Variants in EML4 observed in about 807,000 individuals in gnomAD.
EML4 encodes the protein echinoderm microtubule-associated protein-like 4.
EML4 carries 72 observed loss-of-function variants against 129.0 expected under a neutral mutation model. The observed-to-expected ratio is 0.56, with a 90% CI of 0.46 to 0.68. The LOEUF (loss-of-function observed/expected upper bound fraction) is 0.68. Ranked by LOEUF, EML4 falls within the 30% of genes least tolerant of loss-of-function variation. EML4 has a pLI of 0.00. For synonymous variants in EML4, 532 were observed against 405.0 expected, an observed-to-expected ratio of 1.31 and a Z score of -3.77; for missense variants, 1,363 against 1,190.6, an observed-to-expected ratio of 1.14 and a Z score of -2.13.
chr2:42,309,911 C>G (rs901933306), intron 17 of EML4, among the ~76,000 whole-genome samples: 1 of 152,144 alleles, frequency 6.6e-6, no homozygotes, highest in Non-Finnish European at 1.5e-5. Context: ...TCTCTTGTTT[C>G]TTAAGCATAA....
At position 42,331,877 on chromosome 2, in the gene EML4, C is replaced by T. The variant is rs1303861246; in HGVS notation, c.*1670C>T. 1 of 217,974 alleles carries T rather than the reference C, an allele frequency of 4.6e-6. No individual in the cohort carries two copies. The highest frequency in any genetic ancestry group is 2.2e-5 in the African/African-American group (1 of 44,464). 13.5% of individuals were successfully genotyped at this position (217,974 alleles called of 1,614,324 possible). On this transcript the variant is annotated 3_prime_UTR_variant, in exon 23 of 23. Transcript: ENST00000318522. The stretch of plus-strand genomic sequence containing the variant: ...AGATATGCACCACGTTGAAAATACT[C>T]AGTGTAGATCTCTATGTGTATAGGT...
intron 11 of EML4, chr2:42,288,583 G>A (rs968373799): frequency 4.8e-6 from 1 of 210,318 alleles, no homozygotes; most frequent in Non-Finnish European, 9.4e-6. Context: ...GTAGATGGAT[G>A]TGTGATCTCA....
rs972817829 is a variant in EML4 at position 42,261,061 on chromosome 2, G to A, written c.339-60G>A. 1.7e-5 allele frequency: 22 copies of A among 1,295,594 alleles called. No individual in the cohort carries two copies. The South Asian group carries it at 1.8e-4, about 11-fold the overall frequency. 80.3% of individuals were successfully genotyped at this position (1,295,594 alleles called of 1,614,324 possible). A position where few individuals can be genotyped will look rare whatever the true frequency, so the allele number is the denominator to read the frequency against. ...ATTATATAATAATCACTTTTCTATC[G>A]TTTGATTTTTTTTCATTTGTTTAAA... On this transcript the variant is annotated intron_variant, in intron 3 of 22. Coordinates refer to ENST00000318522, the MANE Select transcript of EML4 (RefSeq NM_019063.5).
intron 1 of EML4, among the ~76,000 whole-genome samples, chr2:42,212,394 G>C (rs910431148): frequency 6.6e-6 from 1 of 151,602 alleles, no homozygotes; most frequent in Admixed American, 6.6e-5. Flanking sequence ...TATTTTAATA[G>C]CCATTTAAAA....
At chr2:42,224,072 A>G (rs1031031698) in intron 1 of EML4, among the ~76,000 whole-genome samples, 2 of 152,146 alleles carry the variant, frequency 1.3e-5, no homozygotes, top group African/African-American at 4.8e-5. Flanking sequence ...GATATAATTC[A>G]CATGCCATAT....
At chr2:42,232,323 A>G (rs1238375886) in intron 1 of EML4, among the ~76,000 whole-genome samples, 1 of 152,228 alleles carries the variant, frequency 6.6e-6, no homozygotes, top group Non-Finnish European at 1.5e-5. Flanking sequence ...ATTAGAAAGC[A>G]CTTTGTTACA....
chr2:42,263,398 CTTTTTTTTTTTTTT>C, intron 5 of EML4, 92 bp downstream of exon 5: 2 of 234,584 alleles, frequency 8.5e-6, no homozygotes, highest in Non-Finnish European at 1.4e-5. Context: ...TGGTTTGAAT[CTTTTTTTTTTTTTT>C]TTTTTTTTTT....
At chr2:42,325,301 C>T (rs1669728096) in intron 19 of EML4, 166 bp from the exon 20 acceptor site, 1 of 635,014 alleles carries the variant, frequency 1.6e-6, no homozygotes, top group Non-Finnish European at 3.0e-6. Context: ...GTTTCAAGTG[C>T]TGAGGATTTG....
At position 42,332,388 on chromosome 2, in the gene EML4, G is replaced by A. The variant is rs1263531199; in HGVS notation, c.*2181G>A. The A allele has an allele frequency of 4.8e-6, 1 of 209,450 alleles. No individual in the cohort carries two copies. The highest frequency in any genetic ancestry group is 9.7e-6 in the Non-Finnish European group (1 of 102,720). 13.0% of individuals were successfully genotyped at this position (209,450 alleles called of 1,614,324 possible). On this transcript the variant is annotated 3_prime_UTR_variant, in exon 23 of 23. Transcript: ENST00000318522. The stretch of plus-strand genomic sequence containing the variant: ...TGTGATAATGGTTGGAAGTGGGTGG[G>A]GTTATGAAATTGTAGATGTTTTTAG...
rs540095876 is a variant in EML4, at chr2:42,174,024, T to C, written c.25+4388T>C. Among the ~76,000 whole-genome samples the C allele has an allele frequency of 1.6e-3, 245 of 152,316 alleles. 1 individual carries two copies. The highest frequency in any genetic ancestry group is 5.7e-3 in the African/African-American group (237 of 41,572). The stretch of plus-strand genomic sequence containing the variant: ...GATTTATCTCTGCAGAGCTTGGCTT[T>C]TTAAAACAATGAAATAATTTAGCAG... On this transcript the variant is annotated intron_variant, in intron 1 of 22. Coordinates refer to ENST00000318522, the MANE Select transcript of EML4 (RefSeq NM_019063.5).
chr2:42,185,779 C>G (rs1460634065), intron 1 of EML4, among the ~76,000 whole-genome samples: 12 of 152,088 alleles, frequency 7.9e-5, no homozygotes, highest in Admixed American at 7.9e-4. Flanking sequence ...TTTGCTCGTA[C>G]TGGGGAGAAT....
At chr2:42,199,234 G>A (rs1043134022) in intron 1 of EML4, among the ~76,000 whole-genome samples, 26 of 152,182 alleles carry the variant, frequency 1.7e-4, no homozygotes, top group Admixed American at 1.5e-3. Context: ...GTAATAAAGC[G>A]AGTGGTTATA....
intron 1 of EML4, among the ~76,000 whole-genome samples, chr2:42,224,726 T>C (rs537374197): frequency 5.9e-5 from 9 of 152,258 alleles, no homozygotes; most frequent in African/African-American, 2.2e-4. Context: ...ATTTTGATTA[T>C]AGCCATCCTG....
In EML4 at chr2:42,264,584, C is replaced by G. The variant is rs140669637; in HGVS notation, c.642-122C>G. 1.3e-4 allele frequency: 86 copies of G among 661,546 alleles called. No homozygotes were observed. In the African/African-American group the frequency reaches 1.5e-3, roughly 12 times the overall value. 41.0% of individuals were successfully genotyped at this position (661,546 alleles called of 1,614,324 possible). On this transcript the variant is annotated intron_variant, in intron 5 of 22. Coordinates refer to ENST00000318522, the MANE Select transcript of EML4 (RefSeq NM_019063.5). ...AAAAAATGCTGATTTCTTACTTTCA[C>G]TTCCAGAGATTTATCTAGATTATAG...
chr2:42,248,386 C>T (rs963588916), intron 2 of EML4, among the ~76,000 whole-genome samples: 1 of 151,778 alleles, frequency 6.6e-6, no homozygotes, highest in Non-Finnish European at 1.5e-5. Context: ...TGCTTTTTTC[C>T]CAGCATATAC....
At chr2:42,212,196 G>A (rs1333410954) in intron 1 of EML4, among the ~76,000 whole-genome samples, 4 of 152,112 alleles carry the variant, frequency 2.6e-5, no homozygotes, top group African/African-American at 9.7e-5. Flanking sequence ...TTTAAGCCTT[G>A]TGGTACTCAG....
intron 19 of EML4, among the ~76,000 whole-genome samples, chr2:42,320,169 T>C (rs773589756): frequency 1.3e-5 from 2 of 152,138 alleles, no homozygotes; most frequent in Non-Finnish European, 2.9e-5. Context: ...GACATCATTA[T>C]AGTCCAGGGC....
chr2:42,182,994 A>G lies in EML4; in HGVS notation c.25+13358A>G, dbSNP rs190463760. On this transcript the variant is annotated intron_variant, in intron 1 of 22. Transcript: ENST00000318522. The stretch of plus-strand genomic sequence containing the variant: ...CACAGCCCACTGCCTGTCTCTACCA[A>G]AAGTACAAAAAATTAGCCAGGCATG... 1.1e-4 allele frequency among the ~76,000 whole-genome samples: 16 copies of G among 152,206 alleles called. No homozygotes were observed. The South Asian group carries it at 2.7e-3, about 26-fold the overall frequency.
At chr2:42,298,828 A>G (rs1193988665) in intron 13 of EML4, among the ~76,000 whole-genome samples, 1 of 152,224 alleles carries the variant, frequency 6.6e-6, no homozygotes, top group African/African-American at 2.4e-5. Context: ...ATAGAGAACT[A>G]TGAAACTCCC....
Sources: gnomAD v4.1 joint callset for allele counts (sites outside exome capture counted in the v4.1 genomes callset) on GRCh38, gnomAD v4.1.1 for gene constraint, MANE v1.5 for transcripts, NCBI Gene and HGNC (gene_info 2026-07-23, HGNC 2026-07-21) for gene names.